The following ADAMTSL3 variants were observed in gnomAD, a reference collection of about 807,000 sequenced individuals.
ADAMTSL3 encodes ADAMTS-like protein 3.
Under a neutral mutation model 201.7 loss-of-function variants are expected in ADAMTSL3, and 128 were observed. The observed-to-expected ratio is 0.63, with a 90% confidence interval of 0.55 to 0.73. The LOEUF (loss-of-function observed/expected upper bound fraction) is 0.73. ADAMTSL3 is among the 30% of genes least tolerant of loss of function. ADAMTSL3 has a pLI of 0.00. For missense variants in ADAMTSL3, 1,990 were observed against 2,119.6 expected, an observed-to-expected ratio of 0.94 and a Z score of 1.20; for synonymous variants, 738 against 748.4, an observed-to-expected ratio of 0.99 and a Z score of 0.23.
At chr15:83,922,019 T>C (rs1289242737) in intron 16 of ADAMTSL3, among the ~76,000 whole-genome samples, 1 of 152,252 alleles carries the variant, frequency 6.6e-6, no homozygotes, top group Non-Finnish European at 1.5e-5. Flanking sequence ...AAAATGATGC[T>C]GACGTTTCAA....
intron 2 of ADAMTSL3, among the ~76,000 whole-genome samples, chr15:83,664,481 C>T (rs1372130574): frequency 6.6e-6 from 1 of 152,212 alleles, no homozygotes; most frequent in Non-Finnish European, 1.5e-5. Flanking sequence ...CTAGATTCTC[C>T]ATCACCCAGC....
chr15:83,805,412 C>G (rs1203912408), intron 5 of ADAMTSL3, among the ~76,000 whole-genome samples: 1 of 152,072 alleles, frequency 6.6e-6, no homozygotes, highest in African/African-American at 2.4e-5. Context: ...ACAAACTTAG[C>G]TGGGCTTGGT....
intron 9 of ADAMTSL3, among the ~76,000 whole-genome samples, chr15:83,872,177 G>T (rs1334746474): frequency 1.3e-5 from 2 of 148,288 alleles, no homozygotes; most frequent in Admixed American, 6.7e-5. Flanking sequence ...ATCAGGGTTT[G>T]TTTTTTTTTT....
intron 4 of ADAMTSL3, among the ~76,000 whole-genome samples, chr15:83,793,123 G>A (rs150817381): frequency 1.3e-5 from 2 of 152,264 alleles, no homozygotes; most frequent in East Asian, 3.9e-4. Flanking sequence ...ATATGTAGAC[G>A]CTAAAAAAGT....
chr15:83,807,661 A>T (rs1050862931), intron 5 of ADAMTSL3, among the ~76,000 whole-genome samples: 32 of 152,228 alleles, frequency 2.1e-4, no homozygotes, highest in Non-Finnish European at 2.9e-5. Flanking sequence ...GACTCTGAAC[A>T]CCCAAAGCAA....
intron 3 of ADAMTSL3, among the ~76,000 whole-genome samples, chr15:83,764,474 G>A (rs2062859467): frequency 6.6e-6 from 1 of 152,110 alleles, no homozygotes; most frequent in African/African-American, 2.4e-5. Context: ...GTTGGGTTTG[G>A]CAAATAACGA....
chr15:83,718,059 T>G (rs1483281038), intron 3 of ADAMTSL3, among the ~76,000 whole-genome samples: 2 of 152,182 alleles, frequency 1.3e-5, no homozygotes, highest in African/African-American at 4.8e-5. Context: ...AGTCCTAGAA[T>G]TGAATTGTAA....
At chr15:83,938,383 G>A (rs906666290) in intron 17 of ADAMTSL3, among the ~76,000 whole-genome samples, 3 of 152,058 alleles carry the variant, frequency 2.0e-5, no homozygotes, top group African/African-American at 7.2e-5. Context: ...TCATCTGATG[G>A]GTCATGGTCA....
At chr15:83,925,691 C>G (rs2066232936) in intron 17 of ADAMTSL3, among the ~76,000 whole-genome samples, 1 of 152,140 alleles carries the variant, frequency 6.6e-6, no homozygotes. Flanking sequence ...CTTGGAATGA[C>G]CCTTCTATCT....
chr15:83,892,920 A>G, intron 13 of ADAMTSL3, 32 bp downstream of exon 13: 2 of 1,587,656 alleles, frequency 1.3e-6, no homozygotes, highest in Non-Finnish European at 1.7e-6. Flanking sequence ...CTTTTAATTA[A>G]TTCTCATATT....
chr15:83,667,146 A>G (rs1329709097), intron 2 of ADAMTSL3, among the ~76,000 whole-genome samples: 1 of 152,230 alleles, frequency 6.6e-6, no homozygotes, highest in East Asian at 1.9e-4. Context: ...GGATATCTAT[A>G]TTATCACCTA....
chr15:83,898,893 A>G (rs185891738), intron 14 of ADAMTSL3, among the ~76,000 whole-genome samples: 3 of 152,302 alleles, frequency 2.0e-5, no homozygotes, highest in East Asian at 1.9e-4. Flanking sequence ...GAGTACGTCT[A>G]TCTTGCAGAA....
rs763166250 is a variant in ADAMTSL3, at chr15:83,982,440, C to A, written c.2812C>A (p.Arg938=). ...CGTGATTATTAAGTGCCCCGTGCGA[C>A]GATTCCAGAAATCTCTGATCCAGTG... The part of the protein sequence containing the change: ...TSVIIKCPVR[R]FQKSLIQWEK... The change falls in exon 21 of 30, where the codon CGA becomes AGA. Residue 938 remains arginine (R), a synonymous_variant. Coordinates refer to ENST00000286744, the MANE Select transcript of ADAMTSL3 (RefSeq NM_207517.3). 13 of 1,614,132 alleles carry A rather than the reference C, an allele frequency of 8.1e-6. No homozygotes were observed. The highest frequency in any genetic ancestry group is 1.1e-5 in the Non-Finnish European group (13 of 1,180,030).
intron 19 of ADAMTSL3, among the ~76,000 whole-genome samples, chr15:83,955,066 A>C (rs190343804): frequency 4.9e-4 from 75 of 152,342 alleles, no homozygotes; most frequent in Middle Eastern, 6.8e-3. Flanking sequence ...ATCCAGGCTT[A>C]TGTCCTTCCC....
chr15:83,659,033 C>T (rs1366523122), intron 2 of ADAMTSL3, among the ~76,000 whole-genome samples: 1 of 152,206 alleles, frequency 6.6e-6, no homozygotes, highest in Non-Finnish European at 1.5e-5. Flanking sequence ...AAGATGGCTT[C>T]GTGTATATCT....
intron 7 of ADAMTSL3, among the ~76,000 whole-genome samples, chr15:83,839,741 A>G (rs967718990): frequency 1.3e-5 from 2 of 152,184 alleles, no homozygotes; most frequent in East Asian, 3.9e-4. Context: ...AATGACAGCT[A>G]TAAGAGAAAA....
intron 4 of ADAMTSL3, among the ~76,000 whole-genome samples, chr15:83,774,535 A>G (rs2063039150): frequency 6.6e-6 from 1 of 152,014 alleles, no homozygotes; most frequent in Non-Finnish European, 1.5e-5. Context: ...GAGAAGAAAG[A>G]CTCACCGGTC....
At chr15:84,034,257 G>C (rs1055687578) in intron 28 of ADAMTSL3, among the ~76,000 whole-genome samples, 1 of 152,144 alleles carries the variant, frequency 6.6e-6, no homozygotes, top group African/African-American at 2.4e-5. Flanking sequence ...AGGTAGGTGA[G>C]GTGTTAGATC....
At chr15:83,684,777 C>T (rs1183115733) in intron 2 of ADAMTSL3, among the ~76,000 whole-genome samples, 3 of 152,026 alleles carry the variant, frequency 2.0e-5, no homozygotes, top group African/African-American at 7.3e-5. Context: ...TCCTGTTGTA[C>T]ATTTAGTTGT....
Sources: allele counts gnomAD v4.1 joint callset (sites outside exome capture counted in the v4.1 genomes callset), GRCh38; gene constraint gnomAD v4.1.1; transcripts MANE v1.5; gene names NCBI Gene and HGNC (gene_info 2026-07-23, HGNC 2026-07-21).